Variants in NAV2 observed in about 807,000 individuals in gnomAD.
NAV2 encodes neuron navigator 2, also known as helicase, APC down-regulated 1.
A neutral mutation model predicts 223.2 loss-of-function variants in NAV2; 54 were observed. The observed-to-expected ratio is 0.24, with a 90% confidence interval of 0.19 to 0.30. The LOEUF is 0.30. Among genes scored for constraint, NAV2 ranks in the 10% least tolerant of loss-of-function variants. The pLI, the probability that NAV2 is intolerant of heterozygous loss-of-function variation, is 1.00. For synonymous variants in NAV2, 1,279 were observed against 1,239.3 expected (o/e 1.03, Z -0.67); for missense variants, 2,806 against 3,147.5 (o/e 0.89, Z 2.60).
chr11:19,463,194 T>C (rs950544169), intron 1 of NAV2, among the ~76,000 whole-genome samples: 2 of 152,252 alleles, frequency 1.3e-5, no homozygotes, highest in Non-Finnish European at 2.9e-5. Context: ...TAAAGCAGCA[T>C]GGTGTTAGCT....
intron 1 of NAV2, among the ~76,000 whole-genome samples, chr11:19,662,427 A>G (rs1017414701): frequency 1.3e-5 from 2 of 152,174 alleles, no homozygotes; most frequent in African/African-American, 4.8e-5. Context: ...CCTGATAGAA[A>G]CTGGTTGGCA....
At chr11:19,830,770 C>G (rs560097930) in intron 1 of NAV2, among the ~76,000 whole-genome samples, 2 of 152,182 alleles carry the variant, frequency 1.3e-5, no homozygotes, top group Non-Finnish European at 2.9e-5. Context: ...TCCTTCCTCT[C>G]TCCCTCTTAA....
chr11:20,012,512 T>C (rs2053640407), intron 11 of NAV2, among the ~76,000 whole-genome samples: 1 of 151,196 alleles, frequency 6.6e-6, no homozygotes, highest in African/African-American at 2.4e-5. Context: ...CAATCTTTAC[T>C]AAAATTACAA....
At chr11:19,827,970 G>A (rs1418633068) in intron 1 of NAV2, among the ~76,000 whole-genome samples, 3 of 151,846 alleles carry the variant, frequency 2.0e-5, no homozygotes, top group Admixed American at 6.6e-5. Flanking sequence ...AGGGGAGGAA[G>A]GGGAGGGTGG....
chr11:19,369,016 T>A (rs1283433261), intron 1 of NAV2, among the ~76,000 whole-genome samples: 1 of 152,324 alleles, frequency 6.6e-6, no homozygotes, highest in East Asian at 1.9e-4. Context: ...ACTTGACTAT[T>A]TACAGACTCT....
chr11:19,525,733 C>T (rs2043820326), intron 1 of NAV2, among the ~76,000 whole-genome samples: 1 of 152,170 alleles, frequency 6.6e-6, no homozygotes, highest in South Asian at 2.1e-4. Context: ...TGGAACAGTG[C>T]CCTCATTCTG....
chr11:19,801,546 G>A (rs994014009), intron 1 of NAV2, among the ~76,000 whole-genome samples: 2 of 152,094 alleles, frequency 1.3e-5, no homozygotes, highest in Non-Finnish European at 2.9e-5. Flanking sequence ...AGGCAGTTTC[G>A]GCCTCCACCT....
At chr11:19,859,873 C>A (rs773268380) in intron 3 of NAV2, among the ~76,000 whole-genome samples, 2 of 131,172 alleles carry the variant, frequency 1.5e-5, no homozygotes, top group South Asian at 2.5e-4. Flanking sequence ...GGGGGGCTGA[C>A]CCCCCCACCT....
At chr11:19,921,096 G>C (rs1039002047) in intron 6 of NAV2, among the ~76,000 whole-genome samples, 2 of 152,186 alleles carry the variant, frequency 1.3e-5, no homozygotes, top group Non-Finnish European at 2.9e-5. Flanking sequence ...GAAGACAACT[G>C]TCAGGTGAAA....
At chr11:19,602,636 G>A (rs976012526) in intron 1 of NAV2, among the ~76,000 whole-genome samples, 1 of 152,150 alleles carries the variant, frequency 6.6e-6, no homozygotes, top group African/African-American at 2.4e-5. Context: ...ATGCTTTCTT[G>A]GCAGACTCTA....
chr11:19,973,432 A>G, intron 10 of NAV2, among the ~76,000 whole-genome samples: 1 of 152,182 alleles, frequency 6.6e-6, no homozygotes, highest in East Asian at 1.9e-4. Context: ...ACAGATGATG[A>G]TTGGCAGGTG....
chr11:20,018,871 G>C (rs2054242983), intron 11 of NAV2, among the ~76,000 whole-genome samples: 1 of 152,166 alleles, frequency 6.6e-6, no homozygotes, highest in African/African-American at 2.4e-5. Context: ...TGACCCGTGA[G>C]AAGTGGGCCG....
intron 1 of NAV2, among the ~76,000 whole-genome samples, chr11:19,590,866 C>T (rs1481771856): frequency 6.6e-6 from 1 of 152,202 alleles, no homozygotes; most frequent in Non-Finnish European, 1.5e-5. Flanking sequence ...GATTTATCTT[C>T]AAGATAGGCC....
chr11:20,037,222 C>T (rs12792313), intron 12 of NAV2, among the ~76,000 whole-genome samples: 47,888 of 151,768 alleles, frequency 0.32, 8,124 homozygotes, highest in East Asian at 0.55. Context: ...CTCAGAGCAA[C>T]CTTGCGGGGA....
intron 1 of NAV2, among the ~76,000 whole-genome samples, chr11:19,798,922 A>C (rs2058074118): frequency 2.6e-5 from 4 of 152,174 alleles, no homozygotes; most frequent in Admixed American, 2.6e-4. Context: ...AAATATCAGC[A>C]CTACCCCAGT....
chr11:20,087,003 G>C (rs1348495308), intron 26 of NAV2, among the ~76,000 whole-genome samples: 4 of 152,164 alleles, frequency 2.6e-5, no homozygotes, highest in Non-Finnish European at 5.9e-5. Flanking sequence ...AGTTCTCCAA[G>C]GGGTTGAATG....
At chr11:19,439,585 G>A (rs2133682277) in intron 1 of NAV2, among the ~76,000 whole-genome samples, 1 of 152,324 alleles carries the variant, frequency 6.6e-6, no homozygotes, top group Non-Finnish European at 1.5e-5. Flanking sequence ...GCGAGCTGTG[G>A]ATGGGATAAC....
At chr11:19,678,529 G>A (rs913840790) in intron 1 of NAV2, among the ~76,000 whole-genome samples, 3 of 152,152 alleles carry the variant, frequency 2.0e-5, no homozygotes, top group Non-Finnish European at 2.9e-5. Context: ...CCTGTTGTGC[G>A]CAAGTCACAG....
chr11:19,635,759 T>C (rs1048829050), intron 1 of NAV2, among the ~76,000 whole-genome samples: 1 of 152,200 alleles, frequency 6.6e-6, no homozygotes, highest in Non-Finnish European at 1.5e-5. Context: ...GAGGATAAAC[T>C]CTCGTGACCC....
Sources: gnomAD v4.1 joint callset for allele counts (sites outside exome capture counted in the v4.1 genomes callset) on GRCh38, gnomAD v4.1.1 for gene constraint, MANE v1.5 for transcripts, NCBI Gene and HGNC (gene_info 2026-07-23, HGNC 2026-07-21) for gene names.